Variants in FOXJ3 observed in about 807,000 individuals in gnomAD.
The protein encoded by FOXJ3 is forkhead box protein J3.
FOXJ3 carries 22 observed loss-of-function variants against 76.1 expected under a neutral mutation model. That is an observed-to-expected ratio of 0.29 (90% confidence interval 0.21 to 0.41). The LOEUF (loss-of-function observed/expected upper bound fraction) is 0.41. FOXJ3 is among the 10% of genes least tolerant of loss of function. The pLI, the probability that FOXJ3 is intolerant of heterozygous loss-of-function variation, is 1.00. For synonymous variants in FOXJ3, 269 were observed against 261.2 expected, an observed-to-expected ratio of 1.03 and a Z score of -0.29; for missense variants, 613 against 762.1, an observed-to-expected ratio of 0.80 and a Z score of 2.30.
chr1:42,318,118 T>G (rs1354055186), intron 1 of FOXJ3, among the ~76,000 whole-genome samples: 1 of 152,216 alleles, frequency 6.6e-6, no homozygotes, highest in Non-Finnish European at 1.5e-5. Flanking sequence ...TACAGTCTTT[T>G]GTATCCATCA....
At chr1:42,264,995 G>C in intron 4 of FOXJ3, 120 bp downstream of exon 4, 1 of 762,430 alleles carries the variant, frequency 1.3e-6, no homozygotes, top group Non-Finnish European at 2.4e-6. Context: ...TTTAGAGCAG[G>C]GTGGGGGAGG....
intron 2 of FOXJ3, among the ~76,000 whole-genome samples, chr1:42,285,395 A>T (rs1652986653): frequency 6.6e-6 from 1 of 152,064 alleles, no homozygotes; most frequent in South Asian, 2.1e-4. Context: ...GTAGAGTACA[A>T]ATGGCAGTCT....
intron 2 of FOXJ3, among the ~76,000 whole-genome samples, chr1:42,283,891 G>C (rs984027284): frequency 3.3e-5 from 5 of 152,160 alleles, no homozygotes; most frequent in Admixed American, 2.6e-4. Flanking sequence ...TTTTATTCAG[G>C]ATGGTATTGC....
chr1:42,220,036 G>A (rs1341911074), intron 5 of FOXJ3, among the ~76,000 whole-genome samples: 1 of 152,160 alleles, frequency 6.6e-6, no homozygotes, highest in Non-Finnish European at 1.5e-5. Context: ...TCTAACAAGT[G>A]CATTATTTCC....
intron 2 of FOXJ3, chr1:42,280,137 T>C (rs981743237): frequency 5.7e-5 from 11 of 193,534 alleles, no homozygotes; most frequent in Admixed American, 6.5e-5. Context: ...GAAAATTAAA[T>C]GTATTAAAAC....
intron 1 of FOXJ3, among the ~76,000 whole-genome samples, chr1:42,313,445 G>A (rs1018639445): frequency 6.6e-6 from 1 of 152,072 alleles, no homozygotes; most frequent in Admixed American, 6.6e-5. Flanking sequence ...CTCTCTGGAG[G>A]AAATCACCTT....
At chr1:42,261,831 G>C (rs1461695856) in intron 4 of FOXJ3, among the ~76,000 whole-genome samples, 1 of 152,126 alleles carries the variant, frequency 6.6e-6, no homozygotes, top group East Asian at 1.9e-4. Flanking sequence ...GGTGGTTTTG[G>C]AAAAGCTCCT....
intron 2 of FOXJ3, among the ~76,000 whole-genome samples, chr1:42,288,905 CTTGTTA>C: frequency 1.3e-5 from 2 of 152,232 alleles, no homozygotes; most frequent in East Asian, 3.9e-4. Context: ...TTACATAAAA[CTTGTTA>C]TCTATGTTGG....
At chr1:42,234,432 G>A (rs990952293) in intron 4 of FOXJ3, among the ~76,000 whole-genome samples, 14 of 152,230 alleles carry the variant, frequency 9.2e-5, no homozygotes, top group East Asian at 3.9e-4. Flanking sequence ...GCTTTGTTCC[G>A]TTGCTGGTGA....
intron 5 of FOXJ3, among the ~76,000 whole-genome samples, chr1:42,223,001 T>C (rs1161147964): frequency 6.6e-6 from 1 of 152,206 alleles, no homozygotes; most frequent in Non-Finnish European, 1.5e-5. Flanking sequence ...CACACAATAG[T>C]TTATCTTTCT....
intron 5 of FOXJ3, among the ~76,000 whole-genome samples, chr1:42,210,407 AG>A (rs1415969035): frequency 6.6e-6 from 1 of 152,140 alleles, no homozygotes; most frequent in Non-Finnish European, 1.5e-5. Flanking sequence ...GGGTAACATA[AG>A]GCAAGCACAA....
intron 4 of FOXJ3, among the ~76,000 whole-genome samples, chr1:42,256,962 T>G (rs1650640764): frequency 6.6e-6 from 1 of 152,196 alleles, no homozygotes; most frequent in East Asian, 1.9e-4. Flanking sequence ...GAGTATATAT[T>G]GAATGATTCC....
intron 1 of FOXJ3, among the ~76,000 whole-genome samples, chr1:42,334,559 G>T (rs900192240): frequency 1.1e-4 from 16 of 152,194 alleles, no homozygotes; most frequent in Admixed American, 3.9e-4. Context: ...AAGCACCCTC[G>T]CATGGGCCTC....
At position 42,278,626 on chromosome 1, in the gene FOXJ3, G is replaced by A. The variant is rs1384515932; in HGVS notation, c.91C>T (p.Pro31Ser). The A allele has an allele frequency of 6.2e-7, 1 of 1,614,040 alleles. No individual in the cohort carries two copies. Among genetic ancestry groups the A allele is most frequent in the Admixed American group, 1.7e-5 (1 of 60,012 alleles). The change falls in exon 3 of 13, where the codon CCA becomes TCA. Residue 31 changes from proline to serine, a missense_variant. Pro to Ser is a moderately conservative substitution (Grantham distance 74, BLOSUM62 -1). Transcript: ENST00000361346. Reference sequence around the variant, plus strand: ...ATGGCTGCTCTCATGGTGAGCTGTGGTAACCAGTCCATAGACGTTAGGCTG... The same window carrying A: ...ATGGCTGCTCTCATGGTGAGCTGTGATAACCAGTCCATAGACGTTAGGCTG... ...ESSLTSMDWL[P>S]QLTMRAAIQK...
chr1:42,329,361 A>G (rs1656023268), intron 1 of FOXJ3, among the ~76,000 whole-genome samples: 1 of 152,204 alleles, frequency 6.6e-6, no homozygotes, highest in African/African-American at 2.4e-5. Flanking sequence ...TTTAACCAAA[A>G]CACTATGCTT....
At chr1:42,220,516 A>G (rs1273770939) in intron 5 of FOXJ3, among the ~76,000 whole-genome samples, 1 of 152,162 alleles carries the variant, frequency 6.6e-6, no homozygotes, top group Non-Finnish European at 1.5e-5. Context: ...CTTACTACAA[A>G]TAACAGCAAC....
At chr1:42,318,198 C>A (rs1389058064) in intron 1 of FOXJ3, among the ~76,000 whole-genome samples, 1 of 152,132 alleles carries the variant, frequency 6.6e-6, no homozygotes, top group Non-Finnish European at 1.5e-5. Flanking sequence ...AATATACAAA[C>A]AACTCTTACA....
intron 6 of FOXJ3, among the ~76,000 whole-genome samples, chr1:42,202,107 TTC>T (rs1251503644): frequency 1.3e-5 from 2 of 151,978 alleles, no homozygotes; most frequent in Admixed American, 6.5e-5. Flanking sequence ...AATAGCACCT[TTC>T]TGTTTTTTCA....
intron 3 of FOXJ3, among the ~76,000 whole-genome samples, chr1:42,276,072 T>C (rs896738572): frequency 9.9e-5 from 15 of 152,150 alleles, no homozygotes; most frequent in Admixed American, 5.9e-4. Context: ...ACAGTAATAA[T>C]TGGCCAGGCA....
Sources: gnomAD v4.1 joint callset for allele counts (sites outside exome capture counted in the v4.1 genomes callset) on GRCh38, gnomAD v4.1.1 for gene constraint, MANE v1.5 for transcripts, NCBI Gene and HGNC (gene_info 2026-07-23, HGNC 2026-07-21) for gene names.